FHIP1A: variants seen among roughly 807,000 people sequenced by gnomAD.
The protein encoded by FHIP1A is FHF complex subunit HOOK interacting protein 1A.
FHIP1A carries 61 observed loss-of-function variants against 88.6 expected under a neutral mutation model. The observed-to-expected ratio is 0.69, with a 90% CI of 0.56 to 0.85. The LOEUF (loss-of-function observed/expected upper bound fraction) is 0.85, where lower values mean the gene tolerates loss of function less well. Among genes scored for constraint, FHIP1A ranks in the 40% least tolerant of loss-of-function variants. The pLI is 0.00. For synonymous variants in FHIP1A, 478 were observed against 496.0 expected, an observed-to-expected ratio of 0.96 and a Z score of 0.48; for missense variants, 1,154 against 1,273.5, an observed-to-expected ratio of 0.91 and a Z score of 1.43.
intron 2 of FHIP1A, among the ~76,000 whole-genome samples, chr4:151,478,187 C>T (rs1424920229): frequency 1.3e-5 from 2 of 152,090 alleles, no homozygotes; most frequent in Non-Finnish European, 2.9e-5. Context: ...AAAATCCACA[C>T]CAGTGAATTC....
At chr4:151,578,639 T>G (rs114172577) in intron 5 of FHIP1A, among the ~76,000 whole-genome samples, 35 of 152,244 alleles carry the variant, frequency 2.3e-4, no homozygotes, top group African/African-American at 6.5e-4. Context: ...TCTCATTTGT[T>G]GCTGATGGGA....
intron 1 of FHIP1A, among the ~76,000 whole-genome samples, chr4:151,451,994 AT>A (rs1380628610): frequency 1.3e-5 from 2 of 151,706 alleles, no homozygotes; most frequent in Non-Finnish European, 2.9e-5. Flanking sequence ...AATTTTTAAA[AT>A]TTTTTTGTAG....
intron 1 of FHIP1A, among the ~76,000 whole-genome samples, chr4:151,429,343 G>A (rs1210985078): frequency 6.6e-6 from 1 of 152,208 alleles, no homozygotes; most frequent in Admixed American, 6.5e-5. Context: ...AATGGAATTA[G>A]ATATGGCCAT....
At chr4:151,427,981 A>G (rs1382279126) in intron 1 of FHIP1A, among the ~76,000 whole-genome samples, 2 of 152,182 alleles carry the variant, frequency 1.3e-5, no homozygotes, top group Non-Finnish European at 2.9e-5. Context: ...CACCCAATTT[A>G]TGTACCCTAT....
In FHIP1A at chr4:151,665,185, C is replaced by T. The variant is rs909854740; in HGVS notation, c.*2431C>T. On this transcript the variant is annotated 3_prime_UTR_variant, in exon 14 of 14. Coordinates refer to ENST00000435205, the MANE Select transcript of FHIP1A (RefSeq NM_001109977.3). ...AGAGATGGGGTTTCACCTTGTTGCC[C>T]AGGCTGGTCTTAAAGTCCTGGGCTC... is the stretch of plus-strand genomic sequence containing the variant. 6.6e-6 allele frequency among the ~76,000 whole-genome samples: 1 copy of T among 152,132 alleles called. No individual in the cohort carries two copies. Among genetic ancestry groups the T allele is most frequent in the African/African-American group, 2.4e-5 (1 of 41,416 alleles).
intron 5 of FHIP1A, among the ~76,000 whole-genome samples, chr4:151,583,170 G>C (rs888813750): frequency 6.6e-6 from 1 of 152,198 alleles, no homozygotes; most frequent in Non-Finnish European, 1.5e-5. Flanking sequence ...TCTGAACTCT[G>C]AGCGCAGTCT....
At chr4:151,571,490 T>G (rs1006787415) in intron 4 of FHIP1A, among the ~76,000 whole-genome samples, 7 of 152,178 alleles carry the variant, frequency 4.6e-5, no homozygotes, top group African/African-American at 1.7e-4. Context: ...TCAAATGTCT[T>G]CCCACAAAAA....
intron 2 of FHIP1A, among the ~76,000 whole-genome samples, chr4:151,476,898 G>A (rs1729728856): frequency 6.6e-6 from 1 of 152,048 alleles, no homozygotes; most frequent in Non-Finnish European, 1.5e-5. Flanking sequence ...AGCATAAAAA[G>A]GATGAAATAC....
chr4:151,527,194 G>A (rs1420014191), intron 3 of FHIP1A, among the ~76,000 whole-genome samples: 1 of 152,202 alleles, frequency 6.6e-6, no homozygotes, highest in Admixed American at 6.5e-5. Context: ...GGAGGTTGTA[G>A]CGAGCCGAGA....
chr4:151,455,643 T>C (rs2724571), intron 2 of FHIP1A, among the ~76,000 whole-genome samples: 79,184 of 152,028 alleles, frequency 0.52, 20,919 homozygotes, highest in African/African-American at 0.55. Context: ...CCTTCAGTGC[T>C]GTGGGTATTT....
At chr4:151,455,231 A>G (rs999480566) in intron 2 of FHIP1A, among the ~76,000 whole-genome samples, 4 of 152,222 alleles carry the variant, frequency 2.6e-5, no homozygotes, top group African/African-American at 4.8e-5. Context: ...CACAGAAAAT[A>G]TAATTAAAGC....
At chr4:151,510,481 T>C (rs1481476398) in intron 3 of FHIP1A, among the ~76,000 whole-genome samples, 1 of 152,156 alleles carries the variant, frequency 6.6e-6, no homozygotes, top group Non-Finnish European at 1.5e-5. Context: ...GCAAAAATAG[T>C]ATGGAGAGTT....
intron 3 of FHIP1A, among the ~76,000 whole-genome samples, chr4:151,515,712 G>A (rs1003467307): frequency 2.0e-5 from 3 of 151,844 alleles, no homozygotes; most frequent in African/African-American, 7.3e-5. Flanking sequence ...GCTTCAAAGA[G>A]AATAAAATAC....
intron 3 of FHIP1A, among the ~76,000 whole-genome samples, chr4:151,521,859 G>A (rs1731458466): frequency 6.6e-6 from 1 of 152,024 alleles, no homozygotes; most frequent in Non-Finnish European, 1.5e-5. Flanking sequence ...CAAGTAGCTG[G>A]GACCACACAC....
intron 11 of FHIP1A, among the ~76,000 whole-genome samples, chr4:151,655,404 T>C (rs1737193129): frequency 6.6e-6 from 1 of 152,252 alleles, no homozygotes; most frequent in African/African-American, 2.4e-5. Context: ...AAACTTCTTT[T>C]TGCCTATTTT....
At chr4:151,632,728 C>A (rs1033335493) in intron 8 of FHIP1A, among the ~76,000 whole-genome samples, 1 of 151,942 alleles carries the variant, frequency 6.6e-6, no homozygotes, top group Non-Finnish European at 1.5e-5. Context: ...ACAACACATT[C>A]TTGGGCCAAA....
At chr4:151,453,756 C>T (rs1580584233) in intron 1 of FHIP1A, among the ~76,000 whole-genome samples, 1 of 152,000 alleles carries the variant, frequency 6.6e-6, no homozygotes, top group African/African-American at 2.4e-5. Flanking sequence ...GCAGGAGAAT[C>T]GCTTGAACTG....
At chr4:151,553,449 T>C (rs1297741366) in intron 3 of FHIP1A, among the ~76,000 whole-genome samples, 1 of 152,228 alleles carries the variant, frequency 6.6e-6, no homozygotes, top group Non-Finnish European at 1.5e-5. Context: ...ACAGTTAATG[T>C]ATCCTTTCCT....
At chr4:151,560,993 A>G (rs1393753307) in intron 3 of FHIP1A, among the ~76,000 whole-genome samples, 5 of 152,086 alleles carry the variant, frequency 3.3e-5, no homozygotes, top group Non-Finnish European at 7.4e-5. Flanking sequence ...TTCTTTTCAC[A>G]TTTATTCTGC....
Sources: allele counts gnomAD v4.1 joint callset (sites outside exome capture counted in the v4.1 genomes callset), GRCh38; gene constraint gnomAD v4.1.1; transcripts MANE v1.5; gene names NCBI Gene and HGNC (gene_info 2026-07-23, HGNC 2026-07-21).